Variants in FRAS1 observed in about 807,000 individuals in gnomAD.
FRAS1 encodes the protein Fraser extracellular matrix complex subunit 1.
In FRAS1, 290 loss-of-function variants were observed where a neutral mutation model predicts 435.2. That is an observed-to-expected ratio of 0.67 (90% CI 0.61 to 0.73). FRAS1 has a LOEUF of 0.73. Among genes scored for constraint, FRAS1 ranks in the 30% least tolerant of loss-of-function variants. The pLI is 0.00. For missense variants in FRAS1, 4,860 were observed against 5,001.5 expected (o/e 0.97, Z 0.85); for synonymous variants, 1,800 against 1,851.0 (o/e 0.97, Z 0.71).
At position 78,458,180 on chromosome 4, in the gene FRAS1, G is replaced by C. The variant is rs144336170; in HGVS notation, c.6763+5826G>C. Among the ~76,000 whole-genome samples the C allele has an allele frequency of 6.6e-5, 10 of 152,298 alleles. No homozygotes were observed. The East Asian group carries it at 1.9e-3, about 29-fold the overall frequency. On this transcript the variant is annotated intron_variant, in intron 47 of 73. Transcript: ENST00000512123. ...GCTGCAGGATAGTTAAACCTCTTCAGTTGTGCATGCATCCTCAGCCCACTC... is the reference window on the plus strand; with the variant it reads ...GCTGCAGGATAGTTAAACCTCTTCACTTGTGCATGCATCCTCAGCCCACTC...
At position 78,287,340 on chromosome 4, in the gene FRAS1, A is replaced by G. The variant is rs539323305; in HGVS notation, c.1534+801A>G. 2.0e-5 allele frequency among the ~76,000 whole-genome samples: 3 copies of G among 152,338 alleles called. No homozygotes were observed. The South Asian group carries it at 6.2e-4, about 32-fold the overall frequency. On this transcript the variant is annotated intron_variant, in intron 14 of 73. Coordinates refer to ENST00000512123, the MANE Select transcript of FRAS1 (RefSeq NM_025074.7). ...TGACATTAGATTTGAGTCAGGACACAGAGCCAAATCATATCAGGGTTAATG... is the reference window on the plus strand; with the variant it reads ...TGACATTAGATTTGAGTCAGGACACGGAGCCAAATCATATCAGGGTTAATG...
chr4:78,292,973 G>A (rs1727967782), intron 14 of FRAS1, among the ~76,000 whole-genome samples: 2 of 152,266 alleles, frequency 1.3e-5, no homozygotes, highest in African/African-American at 2.4e-5. Context: ...GTGACTTGTT[G>A]CTTCAAGTGG....
At chr4:78,065,321 T>C (rs987161369) in intron 1 of FRAS1, among the ~76,000 whole-genome samples, 1 of 151,130 alleles carries the variant, frequency 6.6e-6, no homozygotes, top group Non-Finnish European at 1.5e-5. Context: ...ATTCTCTCTA[T>C]ATGTAGTACA....
At chr4:78,231,956 G>A (rs1724534830) in intron 2 of FRAS1, among the ~76,000 whole-genome samples, 1 of 152,042 alleles carries the variant, frequency 6.6e-6, no homozygotes, top group Non-Finnish European at 1.5e-5. Context: ...CTAGTGAAAA[G>A]CTATTTTAAG....
intron 29 of FRAS1, among the ~76,000 whole-genome samples, chr4:78,394,483 T>C (rs1732576186): frequency 6.6e-6 from 1 of 152,052 alleles, no homozygotes; most frequent in African/African-American, 2.4e-5. Flanking sequence ...TTATTTTATA[T>C]TCTTTGCACT....
intron 29 of FRAS1, among the ~76,000 whole-genome samples, chr4:78,392,169 A>G (rs1468034404): frequency 6.6e-6 from 1 of 152,168 alleles, no homozygotes; most frequent in East Asian, 1.9e-4. Context: ...CAGTCCAATT[A>G]TCTTTCCTGC....
intron 19 of FRAS1, among the ~76,000 whole-genome samples, chr4:78,335,073 C>G (rs1324780499): frequency 1.3e-5 from 2 of 152,088 alleles, no homozygotes; most frequent in African/African-American, 4.8e-5. Context: ...TTTCTTTTCA[C>G]ATAAGAAATG....
At position 78,499,910 on chromosome 4, in the gene FRAS1, A is replaced by G; in HGVS notation, c.9305A>G (p.Lys3102Arg). ...TATTACCCAAAGAGCCGAGTCTTGA[A>G]GTTCAGTCCCGGTAATTGAATGCCA... ...VDYYPKSRVL[K>R]FSPGVDHIFF... is the part of the protein sequence containing the mutation. The change falls in exon 61 of 74, where the codon AAG (lysine) becomes AGG (arginine). Residue 3102 changes from lysine to arginine, a missense_variant. By Grantham distance (26) the Lys-to-Arg change is conservative (BLOSUM62 2). Transcript: ENST00000512123. 3 of 1,562,136 alleles carry G rather than the reference A, an allele frequency of 1.9e-6. No homozygotes were observed. Among genetic ancestry groups the G allele is most frequent in the Non-Finnish European group, 2.6e-6 (3 of 1,146,036 alleles).
intron 3 of FRAS1, among the ~76,000 whole-genome samples, chr4:78,240,053 ATT>A (rs200759045): frequency 6.8e-6 from 1 of 147,772 alleles, no homozygotes; most frequent in African/African-American, 2.5e-5. Context: ...GCACTCAATA[ATT>A]TTTTTTTTTA....
At chr4:78,295,227 G>C (rs1357911926) in intron 14 of FRAS1, among the ~76,000 whole-genome samples, 1 of 152,040 alleles carries the variant, frequency 6.6e-6, no homozygotes, top group African/African-American at 2.4e-5. Flanking sequence ...AGTAGAAATT[G>C]TGGTAAATAT....
chr4:78,408,038 C>G (rs937183539), intron 31 of FRAS1, among the ~76,000 whole-genome samples, 197 bp downstream of exon 31: 1 of 152,144 alleles, frequency 6.6e-6, no homozygotes, highest in Non-Finnish European at 1.5e-5. Flanking sequence ...TTAATGGACT[C>G]ACAGTTCCAT....
Position 78,113,277 on chromosome 4 carries a change from G to A in FRAS1, c.108+47261G>A, listed in dbSNP as rs141344141. ...AGTCTTTGCTATTGTGAATAGTGCC[G>A]CAACAAACATAAGTGTGCACGTGTC... On this transcript the variant is annotated intron_variant, in intron 2 of 73. Coordinates refer to ENST00000512123, the MANE Select transcript of FRAS1 (RefSeq NM_025074.7). Among the ~76,000 whole-genome samples the A allele has an allele frequency of 4.4e-3, 670 of 152,182 alleles. 7 individuals carry two copies. The highest frequency in any genetic ancestry group is 0.015 in the African/African-American group (640 of 41,516).
intron 23 of FRAS1, among the ~76,000 whole-genome samples, chr4:78,370,502 C>T (rs889197077): frequency 6.6e-6 from 1 of 152,120 alleles, no homozygotes; most frequent in Non-Finnish European, 1.5e-5. Flanking sequence ...GCTGTCGTCC[C>T]TGCTGGATGG....
rs972700755 is a variant in FRAS1, at chr4:78,507,497, C to T, written c.9393C>T (p.Val3131=). 5.6e-6 allele frequency: 9 copies of T among 1,612,606 alleles called. No individual in the cohort carries two copies. Among genetic ancestry groups the T allele is most frequent in the African/African-American group, 4.0e-5 (3 of 74,850 alleles). Residue 3131 remains valine, a synonymous_variant, in exon 62 of 74, where the codon GTC becomes GTT. Coordinates refer to ENST00000512123, the MANE Select transcript of FRAS1 (RefSeq NM_025074.7). ...AATGGCATGAATCTTTCTCACTAGT[C>T]CTTGGCCCAGATGACCCAGTGGAAG... ...DREWHESFSL[V]LGPDDPVEAV... is the part of the protein sequence containing the mutation.
Position 78,511,434 on chromosome 4 carries a change from G to T in FRAS1, c.9941G>T (p.Arg3314Ile), listed in dbSNP as rs751152517. The T allele has an allele frequency of 8.7e-6, 14 of 1,613,970 alleles. No individual in the cohort carries two copies. Among genetic ancestry groups the T allele is most frequent in the Non-Finnish European group, 9.3e-6 (11 of 1,179,868 alleles). ...ACACCAGTGGTGGCTGGGACATCCA[G>T]AGGCTTCCAGGCTCAGTCCTTCATC... Reference protein sequence around the residue: ...CHTPVVAGTSRGFQAQSFIAT... With the variant: ...CHTPVVAGTSIGFQAQSFIAT... Residue 3314 changes from arginine (R) to isoleucine (I), a missense_variant, in exon 64 of 74, where the codon AGA becomes ATA. Coordinates refer to ENST00000512123, the MANE Select transcript of FRAS1 (RefSeq NM_025074.7).
rs143566591 is a variant in FRAS1 at position 78,212,511 on chromosome 4, G to C, written c.109-24999G>C. ...AGGCAAGCAGAGAATAGGAATTCAA[G>C]GATATTAGGATTTGGGAGCAAACCT... On this transcript the variant is annotated intron_variant, in intron 2 of 73. Coordinates refer to ENST00000512123, the MANE Select transcript of FRAS1 (RefSeq NM_025074.7). Among the ~76,000 whole-genome samples the C allele has an allele frequency of 5.9e-5, 9 of 152,280 alleles. No homozygotes were observed. The East Asian group carries it at 1.4e-3, about 23-fold the overall frequency.
chr4:78,451,788 T>A lies in FRAS1; in HGVS notation c.6480T>A (p.Ser2160Arg). The change falls in exon 46 of 74, where the codon AGT becomes AGA. Residue 2160 changes from serine (S) to arginine (R), a missense_variant. Coordinates refer to ENST00000512123, the MANE Select transcript of FRAS1 (RefSeq NM_025074.7). Reference protein sequence around the residue: ...ADISQGHVEYSHGTGEPGGSF... With the variant: ...ADISQGHVEYRHGTGEPGGSF... ...TTTTTATAGGCCACGTAGAATATAGTCATGGAACAGGAGAACCTGGAGGGA... is the reference window on the plus strand; with the variant it reads ...TTTTTATAGGCCACGTAGAATATAGACATGGAACAGGAGAACCTGGAGGGA... 6.2e-7 allele frequency: 1 copy of A among 1,610,512 alleles called. No homozygotes were observed. The highest frequency in any genetic ancestry group is 8.5e-7 in the Non-Finnish European group (1 of 1,177,774).
chr4:78,158,664 G>A (rs1196263056), intron 2 of FRAS1, among the ~76,000 whole-genome samples: 1 of 152,162 alleles, frequency 6.6e-6, no homozygotes, highest in East Asian at 1.9e-4. Flanking sequence ...ATTATAGTGT[G>A]TGTTATACTT....
At chr4:78,105,084 C>G (rs2109926817) in intron 2 of FRAS1, among the ~76,000 whole-genome samples, 1 of 152,214 alleles carries the variant, frequency 6.6e-6, no homozygotes, top group African/African-American at 2.4e-5. Flanking sequence ...GCTGTTCTCC[C>G]AATTTCTCCT....
Sources: gnomAD v4.1 joint callset for allele counts (sites outside exome capture counted in the v4.1 genomes callset) on GRCh38, gnomAD v4.1.1 for gene constraint, MANE v1.5 for transcripts, NCBI Gene and HGNC (gene_info 2026-07-23, HGNC 2026-07-21) for gene names.